Variants in ZDHHC17 observed in about 807,000 individuals in gnomAD.
ZDHHC17 encodes the protein palmitoyltransferase ZDHHC17.
ZDHHC17 carries 40 observed loss-of-function variants against 90.3 expected under a neutral mutation model. The ratio of observed to expected loss-of-function variants is 0.44; its 90% confidence interval spans 0.34 to 0.58. The LOEUF is 0.58. Ranked by LOEUF, ZDHHC17 falls within the 20% of genes least tolerant of loss-of-function variation. ZDHHC17 has a pLI of 0.01. For missense variants in ZDHHC17, 614 were observed against 780.8 expected, an observed-to-expected ratio of 0.79 and a Z score of 2.55; for synonymous variants, 235 against 252.4, an observed-to-expected ratio of 0.93 and a Z score of 0.65.
intron 1 of ZDHHC17, among the ~76,000 whole-genome samples, chr12:76,769,954 A>T (rs1952474659): frequency 6.6e-6 from 1 of 152,212 alleles, no homozygotes; most frequent in Non-Finnish European, 1.5e-5. Flanking sequence ...GTATTTATTA[A>T]GAGTGGACTG....
At chr12:76,848,168 A>G in intron 14 of ZDHHC17, 65 bp from the exon 15 acceptor site, 1 of 1,562,070 alleles carries the variant, frequency 6.4e-7, no homozygotes, top group South Asian at 1.2e-5. Context: ...GTGCCAGCAC[A>G]AATGCCTATA....
At chr12:76,789,422 A>G (rs1417292290) in intron 1 of ZDHHC17, among the ~76,000 whole-genome samples, 1 of 152,190 alleles carries the variant, frequency 6.6e-6, no homozygotes, top group Non-Finnish European at 1.5e-5. Flanking sequence ...CCTAAAATAC[A>G]CAATCTCAGT....
intron 8 of ZDHHC17, among the ~76,000 whole-genome samples, chr12:76,824,903 T>C (rs899739473): frequency 2.0e-5 from 3 of 152,114 alleles, no homozygotes; most frequent in African/African-American, 7.2e-5. Context: ...ATCTTAGATT[T>C]TTACTTAGAA....
At chr12:76,805,057 A>G (rs896012809) in intron 2 of ZDHHC17, among the ~76,000 whole-genome samples, 2 of 152,118 alleles carry the variant, frequency 1.3e-5, no homozygotes, top group Non-Finnish European at 2.9e-5. Context: ...AAAGCAACTG[A>G]TTGAAATTTT....
intron 1 of ZDHHC17, among the ~76,000 whole-genome samples, chr12:76,782,108 G>A (rs559481694): frequency 1.3e-5 from 2 of 152,234 alleles, no homozygotes; most frequent in African/African-American, 4.8e-5. Flanking sequence ...GATAAAAAAA[G>A]AATTTAATTT....
chr12:76,830,334 A>G (rs930792355), intron 10 of ZDHHC17, among the ~76,000 whole-genome samples: 1 of 152,182 alleles, frequency 6.6e-6, no homozygotes, highest in African/African-American at 2.4e-5. Flanking sequence ...GAAACACAAA[A>G]TGTGCTTATT....
chr12:76,809,137 G>A lies in ZDHHC17; in HGVS notation c.398+17G>A. ...GGCCACAAGGTTTAAATTTGCTTCT[G>A]GATTTTTTTCCTTTGGTTCCTTTAT... On this transcript the variant is annotated intron_variant, in intron 4 of 16. Coordinates refer to ENST00000426126, the MANE Select transcript of ZDHHC17 (RefSeq NM_015336.4). 4 of 1,517,238 alleles carry A rather than the reference G, an allele frequency of 2.6e-6. No individual in the cohort carries two copies. Among genetic ancestry groups the A allele is most frequent in the South Asian group, 1.4e-5 (1 of 72,294 alleles). 94.0% of individuals were successfully genotyped at this position (1,517,238 alleles called of 1,614,324 possible). A position where few individuals can be genotyped will look rare whatever the true frequency, so the allele number is the denominator to read the frequency against.
intron 9 of ZDHHC17, 33 bp from the exon 10 acceptor site, chr12:76,828,357 G>T (rs1367990606): frequency 2.7e-6 from 4 of 1,485,772 alleles, no homozygotes; most frequent in Admixed American, 2.0e-5. Context: ...ATGAAATATA[G>T]AGCTCATATT....
intron 2 of ZDHHC17, 90 bp from the exon 3 acceptor site, chr12:76,805,227 A>C (rs1565781269): frequency 3.3e-6 from 4 of 1,211,898 alleles, no homozygotes; most frequent in Non-Finnish European, 1.2e-6. Context: ...CTAGTATCAA[A>C]ATGAGGAATT....
At chr12:76,824,683 A>G (rs960673193) in intron 8 of ZDHHC17, among the ~76,000 whole-genome samples, 2 of 152,106 alleles carry the variant, frequency 1.3e-5, no homozygotes, top group African/African-American at 4.8e-5. Flanking sequence ...GTAGACAGAT[A>G]AAGATGGAAT....
At chr12:76,827,188 AT>A (rs1448627252) in intron 9 of ZDHHC17, 138 bp downstream of exon 9, 1 of 972,658 alleles carries the variant, frequency 1.0e-6, no homozygotes, top group Admixed American at 4.1e-5. Context: ...TATGTGAAAT[AT>A]GAGATTTTTT....
intron 1 of ZDHHC17, among the ~76,000 whole-genome samples, chr12:76,784,140 C>T (rs12366741): frequency 0.011 from 1,680 of 152,274 alleles, 11 homozygotes; most frequent in Non-Finnish European, 0.017. Flanking sequence ...CACCACACAA[C>T]ATATACAGAT....
chr12:76,775,331 A>C (rs1034246409), intron 1 of ZDHHC17, among the ~76,000 whole-genome samples: 1 of 152,216 alleles, frequency 6.6e-6, no homozygotes, highest in African/African-American at 2.4e-5. Context: ...ACATTCTTTT[A>C]AGAAATGCTA....
intron 1 of ZDHHC17, among the ~76,000 whole-genome samples, chr12:76,783,243 A>C (rs1303915776): frequency 6.6e-6 from 1 of 152,240 alleles, no homozygotes; most frequent in Non-Finnish European, 1.5e-5. Context: ...GTCTGTTTTC[A>C]CACTGCTATA....
chr12:76,850,963 G>T lies in ZDHHC17; in HGVS notation c.1877G>T (p.Gly626Val). Residue 626 changes from glycine to valine, a missense_variant, in exon 17 of 17, where the codon GGA becomes GTA. Transcript: ENST00000426126. ...ACAATAGAATATGACCAAATATCAG[G>T]ATCTGGGTACCAGCTGGTGTAGCGA... ...QYTIEYDQIS[G>V]SGYQLV The T allele has an allele frequency of 3.7e-6, 6 of 1,613,892 alleles. No homozygotes were observed. The highest frequency in any genetic ancestry group is 5.1e-6 in the Non-Finnish European group (6 of 1,179,860).
At position 76,828,342 on chromosome 12, in the gene ZDHHC17, T is replaced by C. The variant is rs201000883; in HGVS notation, c.1041-48T>C. The C allele has an allele frequency of 1.8e-3, 2,590 of 1,434,938 alleles. 49 individuals carry two copies. In the South Asian group the frequency reaches 0.033, roughly 18 times the overall value. The allele number at this position is 1,434,938 out of a possible 1,614,324, so 88.9% of individuals were successfully genotyped here. A position where few individuals can be genotyped will look rare whatever the true frequency, so the allele number is the denominator to read the frequency against. On this transcript the variant is annotated intron_variant, in intron 9 of 16. Coordinates refer to ENST00000426126, the MANE Select transcript of ZDHHC17 (RefSeq NM_015336.4). The stretch of plus-strand genomic sequence containing the variant: ...TTTTCATTTAAATAAATACTCATTT[T>C]TACAATGAAATATAGAGCTCATATT...
At chr12:76,843,007 C>T (rs1186067020) in intron 12 of ZDHHC17, 26 bp downstream of exon 12, 15 of 1,588,044 alleles carry the variant, frequency 9.4e-6, no homozygotes, top group African/African-American at 1.3e-5. Context: ...TTGTTCTTCC[C>T]TCCCTTCTCT....
chr12:76,764,265 A>C lies in ZDHHC17; in HGVS notation c.29A>C (p.Lys10Thr). Residue 10 changes from lysine to threonine, a missense_variant, in exon 1 of 17, where the codon AAG becomes ACG. By Grantham distance (78) the Lys-to-Thr change is moderately conservative (BLOSUM62 -1). Around this residue, in one of 5 missense-constraint regions of ZDHHC17, gnomAD observed 358 missense variants for 380.4 expected, o/e 0.94. Transcript: ENST00000426126. MQREEGFNT[K>T]MADGPDEYDT... ...CAGCGGGAGGAGGGATTTAACACCA[A>C]GATGGCGGACGGCCCGGATGAGTAC... The C allele has an allele frequency of 1.4e-5, 22 of 1,606,740 alleles. No homozygotes were observed. The highest frequency in any genetic ancestry group is 1.9e-5 in the Non-Finnish European group (22 of 1,176,748).
chr12:76,785,549 G>A (rs1002880662), intron 1 of ZDHHC17, among the ~76,000 whole-genome samples: 4 of 152,068 alleles, frequency 2.6e-5, no homozygotes, highest in Non-Finnish European at 4.4e-5. Context: ...TAAACCCATC[G>A]TAAACTTGAA....
Sources: gnomAD v4.1 joint callset for allele counts (sites outside exome capture counted in the v4.1 genomes callset) on GRCh38, gnomAD v4.1.1 for gene constraint, gnomAD v4.1.1 regional missense constraint, MANE v1.5 for transcripts, NCBI Gene and HGNC (gene_info 2026-07-23, HGNC 2026-07-21) for gene names.